FOXP2: variants seen among roughly 807,000 people sequenced by gnomAD.
FOXP2 encodes forkhead box protein P2.
Under a neutral mutation model 115.8 loss-of-function variants are expected in FOXP2, and 12 were observed. That is an observed-to-expected ratio of 0.10 (90% CI 0.07 to 0.17). The LOEUF (loss-of-function observed/expected upper bound fraction) is 0.17, where lower values mean the gene tolerates loss of function less well. FOXP2 is among the 10% of genes least tolerant of loss of function. The pLI is 1.00. For synonymous variants in FOXP2, 328 were observed against 297.7 expected, an observed-to-expected ratio of 1.10 and a Z score of -1.05; for missense variants, 629 against 843.5, an observed-to-expected ratio of 0.75 and a Z score of 3.15.
intron 2 of FOXP2, among the ~76,000 whole-genome samples, chr7:114,460,443 T>C (rs994179150): frequency 3.3e-5 from 5 of 152,234 alleles, no homozygotes; most frequent in African/African-American, 1.2e-4. Context: ...ATTTTCTTTT[T>C]CTAGTTGTCT....
chr7:114,275,978 G>A (rs2129173974), intron 1 of FOXP2, among the ~76,000 whole-genome samples: 1 of 152,142 alleles, frequency 6.6e-6, no homozygotes, highest in East Asian at 1.9e-4. Context: ...GTTGGAGCTG[G>A]GCATTTCTTC....
intron 2 of FOXP2, among the ~76,000 whole-genome samples, chr7:114,356,900 A>G (rs1421535907): frequency 6.6e-6 from 1 of 152,210 alleles, no homozygotes; most frequent in Admixed American, 6.5e-5. Flanking sequence ...AAACATTTTT[A>G]TACCCTTATG....
At chr7:114,583,279 C>G (rs1023184962) in intron 3 of FOXP2, among the ~76,000 whole-genome samples, 11 of 151,964 alleles carry the variant, frequency 7.2e-5, no homozygotes, top group Non-Finnish European at 1.6e-4. Flanking sequence ...CTTGGGTGGC[C>G]GAGGCAGGAG....
In FOXP2 at chr7:114,297,099, C is replaced by G. The variant is rs139495714; in HGVS notation, c.-11+8990C>G. 4,322 of 436,492 alleles carry G rather than the reference C, an allele frequency of 9.9e-3. 44 individuals are homozygous for G. The highest frequency in any genetic ancestry group is 0.026 in the African/African-American group (1,224 of 47,848). The allele number at this position is 436,492 out of a possible 1,614,324, so 27.0% of individuals were successfully genotyped here. ...GCTGCCCTTTATTTCAGGGAGAGGGCAGGGCAGGGGGCTCAGTCTTTCTTG... is the reference window on the plus strand; with the variant it reads ...GCTGCCCTTTATTTCAGGGAGAGGGGAGGGCAGGGGGCTCAGTCTTTCTTG... On this transcript the variant is annotated intron_variant, in intron 2 of 17. Transcript: ENST00000634411.
intron 2 of FOXP2, among the ~76,000 whole-genome samples, chr7:114,469,046 C>T (rs964882732): frequency 6.6e-6 from 1 of 152,082 alleles, no homozygotes; most frequent in African/African-American, 2.4e-5. Flanking sequence ...TTTACAGCTC[C>T]TCCCTTTGGC....
At chr7:114,540,867 TGG>T (rs1311721561) in intron 3 of FOXP2, among the ~76,000 whole-genome samples, 6 of 152,064 alleles carry the variant, frequency 3.9e-5, no homozygotes, top group Non-Finnish European at 8.8e-5. Flanking sequence ...TAATAATGAA[TGG>T]GTTGGGGGTT....
intron 2 of FOXP2, among the ~76,000 whole-genome samples, chr7:114,469,636 G>A (rs187388338): frequency 2.7e-4 from 41 of 152,288 alleles, no homozygotes. Context: ...GATTAAAAAG[G>A]AAGCAGATGT....
chr7:114,462,618 G>A (rs543811685), intron 2 of FOXP2, among the ~76,000 whole-genome samples: 83 of 152,116 alleles, frequency 5.5e-4, no homozygotes, highest in African/African-American at 1.9e-3. Flanking sequence ...TGATCCGCCC[G>A]CCTCAGCCTC....
intron 2 of FOXP2, among the ~76,000 whole-genome samples, chr7:114,359,269 T>C (rs1028824404): frequency 2.0e-5 from 3 of 152,226 alleles, no homozygotes; most frequent in Non-Finnish European, 4.4e-5. Context: ...GAAGTAAGGT[T>C]TGGAACCTCC....
chr7:114,335,414 C>G (rs1311255263), intron 2 of FOXP2, among the ~76,000 whole-genome samples: 3 of 151,714 alleles, frequency 2.0e-5, no homozygotes, highest in Non-Finnish European at 4.4e-5. Context: ...AACAATTTAT[C>G]TAGATATTAA....
At chr7:114,533,141 G>A (rs1304912366) in intron 2 of FOXP2, among the ~76,000 whole-genome samples, 1 of 151,968 alleles carries the variant, frequency 6.6e-6, no homozygotes, top group Admixed American at 6.6e-5. Flanking sequence ...TCGTGAGTGA[G>A]TGTGTCTCCA....
intron 1 of FOXP2, among the ~76,000 whole-genome samples, chr7:114,131,068 T>TC (rs1339546366): frequency 7.2e-5 from 11 of 152,216 alleles, no homozygotes; most frequent in Admixed American, 7.2e-4. Context: ...ACGTATTTTT[T>TC]CTCTTGTAAG....
intron 2 of FOXP2, among the ~76,000 whole-genome samples, chr7:114,395,677 A>G (rs1792719360): frequency 6.6e-6 from 1 of 152,134 alleles, no homozygotes; most frequent in African/African-American, 2.4e-5. Context: ...CATGAGATGT[A>G]GATTTGAGAG....
chr7:114,508,972 A>G (rs1437456766), intron 2 of FOXP2, among the ~76,000 whole-genome samples: 1 of 152,152 alleles, frequency 6.6e-6, no homozygotes, highest in Non-Finnish European at 1.5e-5. Flanking sequence ...TATGAGGAAC[A>G]TTATTAAAGA....
chr7:114,269,655 T>C (rs1795986789), intron 1 of FOXP2, among the ~76,000 whole-genome samples: 2 of 152,170 alleles, frequency 1.3e-5, no homozygotes, highest in African/African-American at 2.4e-5. Flanking sequence ...TTTACTTTTA[T>C]ATTATTAAAT....
intron 6 of FOXP2, among the ~76,000 whole-genome samples, chr7:114,641,418 A>G (rs1028085498): frequency 4.6e-5 from 7 of 152,184 alleles, no homozygotes; most frequent in Admixed American, 2.6e-4. Flanking sequence ...GTTTAAAATG[A>G]GTAGTTGATT....
chr7:114,299,448 C>G (rs1017571690), intron 2 of FOXP2, among the ~76,000 whole-genome samples: 2 of 151,820 alleles, frequency 1.3e-5, no homozygotes, highest in African/African-American at 2.4e-5. Flanking sequence ...TAGGTAAAAC[C>G]AATTATGATA....
upstream of FOXP2, among the ~76,000 whole-genome samples, chr7:114,410,098 G>T (rs549809577): frequency 6.6e-6 from 1 of 151,988 alleles, no homozygotes; most frequent in African/African-American, 2.4e-5. Flanking sequence ...TGGGATCTTC[G>T]CCATATAGAC....
intron 2 of FOXP2, among the ~76,000 whole-genome samples, chr7:114,362,084 T>G (rs1791759754): frequency 6.6e-6 from 1 of 150,942 alleles, no homozygotes; most frequent in Non-Finnish European, 1.5e-5. Flanking sequence ...AGGGAGGGGG[T>G]AAGGAGTGGA....
Sources: allele counts gnomAD v4.1 joint callset (sites outside exome capture counted in the v4.1 genomes callset), GRCh38; gene constraint gnomAD v4.1.1; transcripts MANE v1.5; gene names NCBI Gene and HGNC (gene_info 2026-07-23, HGNC 2026-07-21).